The following TRPC6 variants were observed in gnomAD, a reference collection of about 807,000 sequenced individuals.
TRPC6 encodes transient receptor potential cation channel subfamily C member 6.
Under a neutral mutation model 90.7 loss-of-function variants are expected in TRPC6, and 55 were observed. The ratio of observed to expected loss-of-function variants is 0.61; its 90% CI spans 0.49 to 0.76. TRPC6 has a LOEUF of 0.76. Among genes scored for constraint, TRPC6 ranks in the 30% least tolerant of loss-of-function variants. The probability of loss-of-function intolerance (pLI) is 0.00; values close to 1 mark genes in which losing one functional copy is unlikely to be tolerated. For synonymous variants in TRPC6, 393 were observed against 393.0 expected (o/e 1.00, Z 0.00); for missense variants, 989 against 1,122.7 (o/e 0.88, Z 1.70).
chr11:101,469,493 T>C lies in TRPC6; in HGVS notation c.2418A>G (p.Glu806=), dbSNP rs780220569. ...TTCCTAAAATTCCAAGTTTCTTTTC[T>C]TCATTTATCTTTTAAAGATAGATAG... ...QEDAEMNKIN[E]EKKLGILGSH... The change falls in exon 10 of 13, where the codon GAA becomes GAG. Residue 806 remains glutamate (E), a synonymous_variant. Transcript: ENST00000344327. The C allele has an allele frequency of 6.6e-6, 5 of 762,686 alleles. No individual in the cohort carries two copies. The East Asian group carries it at 1.2e-4, about 19-fold the overall frequency. 47.2% of individuals were successfully genotyped at this position (762,686 alleles called of 1,614,324 possible).
intron 6 of TRPC6, among the ~76,000 whole-genome samples, chr11:101,475,914 GTA>G (rs34951678): frequency 5.3e-5 from 8 of 150,492 alleles, no homozygotes; most frequent in Non-Finnish European, 8.8e-5. Flanking sequence ...ACACACACGT[GTA>G]TATATACATA....
At chr11:101,550,445 T>A (rs543754128) in intron 1 of TRPC6, among the ~76,000 whole-genome samples, 1 of 151,732 alleles carries the variant, frequency 6.6e-6, no homozygotes, top group Non-Finnish European at 1.5e-5. Context: ...TTATTGATAC[T>A]TTTTTCTTAA....
At chr11:101,573,906 C>T (rs1862016041) in intron 1 of TRPC6, among the ~76,000 whole-genome samples, 1 of 129,942 alleles carries the variant, frequency 7.7e-6, no homozygotes, top group South Asian at 2.4e-4. Flanking sequence ...TCCTTTCAAG[C>T]CTAAGAAACA....
chr11:101,453,541 T>C (rs1858812509), intron 12 of TRPC6, 109 bp downstream of exon 12: 1 of 1,084,026 alleles, frequency 9.2e-7, no homozygotes, highest in Admixed American at 1.7e-5. Context: ...ACTTTTCCCC[T>C]TGAAGTTCAC....
chr11:101,456,660 C>T (rs529104528), intron 10 of TRPC6, among the ~76,000 whole-genome samples: 1 of 152,276 alleles, frequency 6.6e-6, no homozygotes, highest in South Asian at 2.1e-4. Context: ...ACAGCTCCCA[C>T]CACCCCCTAT....
In TRPC6 at chr11:101,452,891, A is replaced by AAATC; in HGVS notation, c.*60_*63dup. On this transcript the variant is annotated 3_prime_UTR_variant, in exon 13 of 13. Transcript: ENST00000344327. ...TGGGCCCATTGGCACTTAAGAAAAT[A>AAATC]AATCAGAAAATAATATGGCTTCAAG... 1 of 1,599,724 alleles carries AAATC rather than the reference A, an allele frequency of 6.3e-7. No individual in the cohort carries two copies. Among genetic ancestry groups the AAATC allele is most frequent in the African/African-American group, 1.3e-5 (1 of 74,510 alleles).
chr11:101,465,177 G>GCCTTTGTGGGTAA (rs766831315), intron 10 of TRPC6, among the ~76,000 whole-genome samples: 100 of 152,260 alleles, frequency 6.6e-4, no homozygotes, highest in Admixed American at 1.8e-3. Context: ...TGATGGGCTT[G>GCCTTTGTGGGTAA]CCTTTGTGGG....
chr11:101,495,665 C>A (rs1422944718), intron 2 of TRPC6, among the ~76,000 whole-genome samples: 1 of 149,814 alleles, frequency 6.7e-6, no homozygotes, highest in African/African-American at 2.4e-5. Flanking sequence ...CAAACAGTAT[C>A]TAGCTCTTTG....
chr11:101,520,861 T>TA (rs1272313560), intron 1 of TRPC6, among the ~76,000 whole-genome samples: 2 of 152,154 alleles, frequency 1.3e-5, no homozygotes, highest in Non-Finnish European at 2.9e-5. Context: ...TTAGGGTATC[T>TA]AATGGAAGAA....
intron 1 of TRPC6, among the ~76,000 whole-genome samples, chr11:101,509,731 T>C (rs1860356617): frequency 6.6e-6 from 1 of 152,042 alleles, no homozygotes; most frequent in Non-Finnish European, 1.5e-5. Context: ...TTTTTTTCAG[T>C]TTTAAAGCAT....
At chr11:101,573,958 A>ATGTG (rs1275666976) in intron 1 of TRPC6, among the ~76,000 whole-genome samples, 36,087 of 103,744 alleles carry the variant, frequency 0.35, 5,213 homozygotes, top group Non-Finnish European at 0.42. Context: ...GTGTGTGTGT[A>ATGTG]TGTGTGTGTG....
At chr11:101,477,379 G>A (rs1453353606) in intron 5 of TRPC6, among the ~76,000 whole-genome samples, 1 of 151,710 alleles carries the variant, frequency 6.6e-6, no homozygotes, top group Non-Finnish European at 1.5e-5. Flanking sequence ...GCTTCTTGGA[G>A]GACCCGGACT....
chr11:101,476,916 A>C (rs1171461004), intron 5 of TRPC6, among the ~76,000 whole-genome samples: 1 of 152,152 alleles, frequency 6.6e-6, no homozygotes, highest in African/African-American at 2.4e-5. Flanking sequence ...TTATCAAGCC[A>C]TTTAATATTT....
intron 1 of TRPC6, among the ~76,000 whole-genome samples, chr11:101,541,722 A>T (rs570610258): frequency 2.8e-4 from 43 of 152,314 alleles, no homozygotes; most frequent in African/African-American, 9.1e-4. Flanking sequence ...ATCAGGCTGG[A>T]GGATGCCTTC....
intron 4 of TRPC6, among the ~76,000 whole-genome samples, chr11:101,485,876 CTCT>C (rs1859669236): frequency 6.6e-6 from 1 of 152,122 alleles, no homozygotes; most frequent in African/African-American, 2.4e-5. Flanking sequence ...TCCTGAACAA[CTCT>C]AAAGTCAATC....
chr11:101,491,641 C>T lies in TRPC6; in HGVS notation c.1043G>A (p.Gly348Glu). Residue 348 changes from glycine (G) to glutamate (E), a missense_variant, in exon 3 of 13, where the codon GGG (glycine) becomes GAG (glutamate). Coordinates refer to ENST00000344327, the MANE Select transcript of TRPC6 (RefSeq NM_004621.6). The stretch of plus-strand genomic sequence containing the variant: ...ACCACTCTGGAGCGTTTCAACATCC[C>T]CATTCAGAATGGCCTCGACTTCTTC... ...NTEEVEAILN[G>E]DVETLQSGDH... The T allele has an allele frequency of 6.2e-7, 1 of 1,613,944 alleles. No individual in the cohort carries two copies. Among genetic ancestry groups the T allele is most frequent in the Non-Finnish European group, 8.5e-7 (1 of 1,180,002 alleles).
chr11:101,500,210 C>CTT (rs373591780), intron 2 of TRPC6, among the ~76,000 whole-genome samples: 33,329 of 137,104 alleles, frequency 0.24, 4,696 homozygotes, highest in African/African-American at 0.27. Context: ...TATTTTTTTT[C>CTT]TTTCTTTTTT....
At chr11:101,463,425 A>AATCT (rs1464243013) in intron 10 of TRPC6, among the ~76,000 whole-genome samples, 1 of 152,162 alleles carries the variant, frequency 6.6e-6, no homozygotes, top group Non-Finnish European at 1.5e-5. Context: ...TCTGGCTATG[A>AATCT]ATCTATCTGG....
At chr11:101,524,575 T>C (rs1279711653) in intron 1 of TRPC6, among the ~76,000 whole-genome samples, 2 of 152,232 alleles carry the variant, frequency 1.3e-5, no homozygotes, top group Non-Finnish European at 2.9e-5. Context: ...TTAAATGTAT[T>C]TAAATCACAA....
Sources: allele counts gnomAD v4.1 joint callset (sites outside exome capture counted in the v4.1 genomes callset), GRCh38; gene constraint gnomAD v4.1.1; transcripts MANE v1.5; gene names NCBI Gene and HGNC (gene_info 2026-07-23, HGNC 2026-07-21).